Variants in NRXN1 observed in about 807,000 individuals in gnomAD.
NRXN1 encodes neurexin-1.
Under a neutral mutation model 150.9 loss-of-function variants are expected in NRXN1, and 39 were observed. That is an observed-to-expected ratio of 0.26 (90% CI 0.20 to 0.34). The LOEUF is 0.34. Among genes scored for constraint, NRXN1 ranks in the 10% least tolerant of loss-of-function variants. The pLI is 1.00. For synonymous variants in NRXN1, 924 were observed against 757.0 expected (o/e 1.22, Z -3.62); for missense variants, 1,815 against 1,949.9 (o/e 0.93, Z 1.30).
chr2:50,640,810 A>G (rs1198435853), intron 5 of NRXN1, among the ~76,000 whole-genome samples: 2 of 152,192 alleles, frequency 1.3e-5, no homozygotes, highest in Non-Finnish European at 1.5e-5. Context: ...ATCGTAGCCT[A>G]TCTCTAAAAC....
At chr2:50,058,686 A>G (rs1197234320) in intron 19 of NRXN1, among the ~76,000 whole-genome samples, 12 of 152,138 alleles carry the variant, frequency 7.9e-5, no homozygotes, top group Admixed American at 7.9e-4. Flanking sequence ...AATCCCTACA[A>G]GTGGCAGGAG....
chr2:50,971,297 A>T (rs1447688248), intron 2 of NRXN1, among the ~76,000 whole-genome samples: 1 of 152,266 alleles, frequency 6.6e-6, no homozygotes, highest in South Asian at 2.1e-4. Flanking sequence ...GTTTAAAACA[A>T]TAACAGGCCG....
Position 50,623,401 on chromosome 2 carries a change from C to T in NRXN1, c.1047G>A (p.Gly349=), listed in dbSNP as rs749303955. ...AVSLVINLGS[G]AFEALVEPVN... ...CAGGCTCCACTAGTGCTTCAAAGGC[C>T]CCTGATCCCAAATTAATGACCAGAG... is the stretch of plus-strand genomic sequence containing the variant. The change falls in exon 6 of 23, where the codon GGG becomes GGA. Residue 349 remains glycine (G), a synonymous_variant. Coordinates refer to ENST00000401669, the MANE Select transcript of NRXN1 (RefSeq NM_001330078.2). 1.2e-6 allele frequency: 2 copies of T among 1,613,204 alleles called. No homozygotes were observed. The highest frequency in any genetic ancestry group is 8.5e-7 in the Non-Finnish European group (1 of 1,179,504).
At chr2:49,974,155 C>T (rs1456153368) in intron 21 of NRXN1, 1 of 712,488 alleles carries the variant, frequency 1.4e-6, no homozygotes, top group Admixed American at 2.0e-5. Flanking sequence ...CGCATCAGCC[C>T]GGCCTATCAG....
chr2:50,211,144 G>T (rs1309163726), intron 18 of NRXN1, among the ~76,000 whole-genome samples: 1 of 151,430 alleles, frequency 6.6e-6, no homozygotes, highest in East Asian at 1.9e-4. Context: ...TATTTTAGGA[G>T]AAAACTTGTT....
chr2:50,528,894 A>C (rs2093027034), intron 11 of NRXN1: 2 of 421,458 alleles, frequency 4.7e-6, no homozygotes, highest in Non-Finnish European at 8.5e-6. Context: ...TGACAAATCT[A>C]AGTGAAGTAA....
At chr2:50,275,212 A>G (rs1238072027) in intron 17 of NRXN1, among the ~76,000 whole-genome samples, 1 of 152,174 alleles carries the variant, frequency 6.6e-6, no homozygotes, top group African/African-American at 2.4e-5. Flanking sequence ...TTGAATGGGA[A>G]ATAAATGAAC....
chr2:50,315,481 T>C (rs1043196163), intron 17 of NRXN1, among the ~76,000 whole-genome samples: 1 of 152,102 alleles, frequency 6.6e-6, no homozygotes. Context: ...CACAGTTACA[T>C]GGAAGATTAC....
At chr2:49,956,802 G>C (rs1014605245) in intron 21 of NRXN1, among the ~76,000 whole-genome samples, 3 of 152,142 alleles carry the variant, frequency 2.0e-5, no homozygotes, top group African/African-American at 4.8e-5. Context: ...TTGGTACAAG[G>C]AAGGTGCCCT....
At chr2:50,281,189 C>T (rs1169549124) in intron 17 of NRXN1, among the ~76,000 whole-genome samples, 4 of 149,786 alleles carry the variant, frequency 2.7e-5, no homozygotes, top group Admixed American at 2.7e-4. Context: ...ATGGTGGCGG[C>T]GCCTGTGGTC....
intron 5 of NRXN1, chr2:50,758,101 A>C (rs559179181): frequency 1.3e-5 from 2 of 151,934 alleles, no homozygotes; most frequent in South Asian, 4.1e-4. Context: ...AAATTAGTGA[A>C]GTCCTTCCTT....
At chr2:50,815,085 C>G (rs577226144) in intron 5 of NRXN1, among the ~76,000 whole-genome samples, 1 of 151,378 alleles carries the variant, frequency 6.6e-6, no homozygotes, top group Non-Finnish European at 1.5e-5. Context: ...TTCCTTTTTG[C>G]CTCTTCGCTT....
intron 17 of NRXN1, among the ~76,000 whole-genome samples, chr2:50,420,398 T>C (rs2083889157): frequency 6.7e-6 from 1 of 149,444 alleles, no homozygotes; most frequent in Non-Finnish European, 1.5e-5. Context: ...TACATACATG[T>C]ACACACACAC....
intron 5 of NRXN1, among the ~76,000 whole-genome samples, chr2:50,672,770 T>C (rs1385449167): frequency 6.6e-6 from 1 of 152,068 alleles, no homozygotes; most frequent in African/African-American, 2.4e-5. Context: ...TTGAAATTTA[T>C]TAAATATATT....
chr2:50,654,981 A>G (rs1234296610), intron 5 of NRXN1, among the ~76,000 whole-genome samples: 1 of 152,042 alleles, frequency 6.6e-6, no homozygotes, highest in Non-Finnish European at 1.5e-5. Context: ...CAAAGCAAGG[A>G]ACAAAAGAAT....
chr2:51,001,772 A>G (rs1700110227), intron 2 of NRXN1, among the ~76,000 whole-genome samples: 1 of 151,982 alleles, frequency 6.6e-6, no homozygotes, highest in Admixed American at 6.6e-5. Context: ...ATATCCCCAA[A>G]TATAACAGTT....
chr2:50,908,355 T>TCACATACACA (rs1553340663), intron 5 of NRXN1, among the ~76,000 whole-genome samples: 8 of 100,552 alleles, frequency 8.0e-5, no homozygotes, highest in Non-Finnish European at 1.8e-4. Flanking sequence ...ATACACACAT[T>TCACATACACA]CACACATACA....
intron 5 of NRXN1, among the ~76,000 whole-genome samples, chr2:50,823,510 A>G (rs1207635268): frequency 6.6e-6 from 1 of 152,200 alleles, no homozygotes; most frequent in African/African-American, 2.4e-5. Context: ...CAGAGGCAAC[A>G]TCAACATTCA....
intron 2 of NRXN1, among the ~76,000 whole-genome samples, chr2:51,024,917 C>G (rs1253005672): frequency 6.6e-6 from 1 of 152,078 alleles, no homozygotes; most frequent in African/African-American, 2.4e-5. Flanking sequence ...TACATACTGG[C>G]TACAGGCAGA....
Sources: gnomAD v4.1 joint callset for allele counts (sites outside exome capture counted in the v4.1 genomes callset) on GRCh38, gnomAD v4.1.1 for gene constraint, MANE v1.5 for transcripts, NCBI Gene and HGNC (gene_info 2026-07-23, HGNC 2026-07-21) for gene names.